PLD1: variants seen among roughly 807,000 people sequenced by gnomAD.
PLD1 encodes the protein choline phosphatase 1.
Under a neutral mutation model 137.1 loss-of-function variants are expected in PLD1, and 112 were observed. The ratio of observed to expected loss-of-function variants is 0.82; its 90% CI spans 0.70 to 0.96. PLD1 has a LOEUF of 0.96. Ranked by LOEUF, PLD1 falls within the 40% of genes least tolerant of loss-of-function variation. The pLI, the probability that PLD1 is intolerant of heterozygous loss-of-function variation, is 0.00. For missense variants in PLD1, 1,321 were observed against 1,342.0 expected (o/e 0.98, Z 0.24); for synonymous variants, 431 against 454.7 (o/e 0.95, Z 0.66).
At chr3:171,656,967 C>T (rs1019401971) in intron 21 of PLD1, among the ~76,000 whole-genome samples, 4 of 152,210 alleles carry the variant, frequency 2.6e-5, no homozygotes, top group Admixed American at 6.5e-5. Context: ...ACATTTGCCT[C>T]AGCTTGGGGA....
chr3:171,746,859 C>T lies in PLD1; in HGVS notation c.-31-8777G>A, dbSNP rs533678138. 3.5e-3 allele frequency among the ~76,000 whole-genome samples: 527 copies of T among 152,318 alleles called. 3 individuals are homozygous for T. The highest frequency in any genetic ancestry group is 0.017 in the Middle Eastern group (5 of 294). On this transcript the variant is annotated intron_variant, in intron 1 of 26. Transcript: ENST00000351298. ...AGGCTGCCCAAGACAGCACTGGCAA[C>T]CAGCTGGGGCCCCCTTCAATACGGT...
intron 16 of PLD1, among the ~76,000 whole-genome samples, chr3:171,685,116 A>AT (rs35881246): frequency 1.1e-4 from 17 of 151,562 alleles, no homozygotes; most frequent in Admixed American, 2.6e-4. Flanking sequence ...AAACATTGTA[A>AT]TTTTTTTTTG....
At chr3:171,709,520 C>T in intron 10 of PLD1, 40 bp downstream of exon 10, 2 of 1,587,712 alleles carry the variant, frequency 1.3e-6, no homozygotes, top group Non-Finnish European at 1.7e-6. Context: ...ATATTAGATG[C>T]TATGACTGCC....
In PLD1 at chr3:171,604,329, A is replaced by G. The variant is rs555031809; in HGVS notation, c.3000+970T>C. On this transcript the variant is annotated intron_variant, in intron 26 of 26. Transcript: ENST00000351298. ...ACTCCATGTCAATTAAAAAAAAAAA[A>G]AAAAGGAAAGAAAGAAAAGAAACAA... 9.9e-5 allele frequency among the ~76,000 whole-genome samples: 15 copies of G among 152,038 alleles called. No individual in the cohort carries two copies. The South Asian group carries it at 3.1e-3, about 32-fold the overall frequency.
At chr3:171,792,050 G>A (rs910089731) in intron 1 of PLD1, 1 of 152,598 alleles carries the variant, frequency 6.6e-6, no homozygotes, top group African/African-American at 2.4e-5. Flanking sequence ...TCTACCTGTA[G>A]ACTGTGTCTC....
intron 1 of PLD1, among the ~76,000 whole-genome samples, chr3:171,763,384 C>T (rs1481564411): frequency 2.0e-5 from 3 of 149,146 alleles, no homozygotes; most frequent in African/African-American, 7.5e-5. Flanking sequence ...GATGACACCA[C>T]TGCACTCCAG....
At chr3:171,805,580 C>A (rs1227123918) in intron 1 of PLD1, among the ~76,000 whole-genome samples, 4 of 152,160 alleles carry the variant, frequency 2.6e-5, no homozygotes, top group Non-Finnish European at 5.9e-5. Context: ...CAGGACCCTG[C>A]CCCAGTGCTT....
At chr3:171,689,205 T>A (rs1234287086) in intron 13 of PLD1, among the ~76,000 whole-genome samples, 1 of 151,662 alleles carries the variant, frequency 6.6e-6, no homozygotes, top group Non-Finnish European at 1.5e-5. Flanking sequence ...TTATGTTAAA[T>A]CTGGTACTAA....
intron 1 of PLD1, among the ~76,000 whole-genome samples, chr3:171,782,651 C>A (rs72622537): frequency 0.31 from 47,349 of 151,904 alleles, 7,797 homozygotes; most frequent in Admixed American, 0.35. Flanking sequence ...TTCAACTTTC[C>A]TGCATGTTTG....
intron 8 of PLD1, among the ~76,000 whole-genome samples, chr3:171,715,816 T>C (rs1030157483): frequency 2.0e-5 from 3 of 152,124 alleles, no homozygotes; most frequent in Admixed American, 6.5e-5. Flanking sequence ...GTTTGTTACA[T>C]AGGGAAACTT....
At chr3:171,620,635 TTATATG>T (rs1733514279) in intron 23 of PLD1, 115 bp from the exon 24 acceptor site, 5 of 480,402 alleles carry the variant, frequency 1.0e-5, no homozygotes, top group Non-Finnish European at 1.8e-5. Flanking sequence ...AGATTGTATA[TTATATG>T]TATATGTTTT....
intron 21 of PLD1, among the ~76,000 whole-genome samples, chr3:171,651,026 CTTGT>C (rs1736712460): frequency 6.6e-6 from 1 of 152,112 alleles, no homozygotes; most frequent in Admixed American, 6.5e-5. Flanking sequence ...CTTTCCTTTT[CTTGT>C]TTTTCTCTGC....
intron 7 of PLD1, among the ~76,000 whole-genome samples, chr3:171,725,452 T>C (rs1211189143): frequency 6.6e-6 from 1 of 152,140 alleles, no homozygotes; most frequent in Admixed American, 6.5e-5. Flanking sequence ...TATATCTTAA[T>C]TCTGAAAAAT....
chr3:171,792,448 C>G (rs3934620), intron 1 of PLD1: 2 of 376,990 alleles, frequency 5.3e-6, no homozygotes, highest in Admixed American at 3.4e-5. Context: ...ATCAGGGGCC[C>G]CTGGCCATCC....
chr3:171,712,548 C>A (rs773067559), intron 9 of PLD1, among the ~76,000 whole-genome samples: 3 of 152,036 alleles, frequency 2.0e-5, no homozygotes, highest in Non-Finnish European at 4.4e-5. Flanking sequence ...CTTCATAGAA[C>A]CTGCAAGGCG....
chr3:171,735,043 T>C, intron 4 of PLD1, 73 bp from the exon 5 acceptor site: 1 of 808,574 alleles, frequency 1.2e-6, no homozygotes, highest in South Asian at 1.5e-5. Flanking sequence ...ATGTCTTTCA[T>C]GAGACGGCAT....
intron 23 of PLD1, among the ~76,000 whole-genome samples, chr3:171,634,287 G>T (rs1278826457): frequency 6.6e-6 from 1 of 152,066 alleles, no homozygotes; most frequent in East Asian, 1.9e-4. Context: ...AGAGCCAAAG[G>T]AAATACTTTA....
At chr3:171,641,340 T>C (rs540047057) in intron 23 of PLD1, among the ~76,000 whole-genome samples, 1 of 152,330 alleles carries the variant, frequency 6.6e-6, no homozygotes, top group Admixed American at 6.5e-5. Flanking sequence ...CTTTTGTCAG[T>C]ATTTTTGTTG....
intron 6 of PLD1, among the ~76,000 whole-genome samples, chr3:171,726,476 A>C (rs1718517819): frequency 6.6e-6 from 1 of 152,358 alleles, no homozygotes; most frequent in African/African-American, 2.4e-5. Flanking sequence ...AGGATCTGGA[A>C]GATGGACTGG....
Sources: allele counts gnomAD v4.1 joint callset (sites outside exome capture counted in the v4.1 genomes callset), GRCh38; gene constraint gnomAD v4.1.1; transcripts MANE v1.5; gene names NCBI Gene and HGNC (gene_info 2026-07-23, HGNC 2026-07-21).